Variants in GRIK4 observed in about 807,000 individuals in gnomAD.
The protein encoded by GRIK4 is glutamate ionotropic receptor kainate type subunit 4.
GRIK4 carries 40 observed loss-of-function variants against 104.9 expected under a neutral mutation model. The observed-to-expected ratio is 0.38, with a 90% confidence interval of 0.30 to 0.50. The LOEUF (loss-of-function observed/expected upper bound fraction) is 0.50. Among genes scored for constraint, GRIK4 ranks in the 20% least tolerant of loss-of-function variants. The pLI is 0.93. For synonymous variants in GRIK4, 485 were observed against 524.9 expected, an observed-to-expected ratio of 0.92 and a Z score of 1.04; for missense variants, 1,047 against 1,308.1, an observed-to-expected ratio of 0.80 and a Z score of 3.08.
chr11:120,839,026 A>T (rs1953652170), intron 8 of GRIK4, among the ~76,000 whole-genome samples: 1 of 152,110 alleles, frequency 6.6e-6, no homozygotes, highest in Non-Finnish European at 1.5e-5. Context: ...ACTTCAGGTG[A>T]TCTGCCTGCC....
intron 13 of GRIK4, among the ~76,000 whole-genome samples, chr11:120,923,032 C>T (rs918842820): frequency 6.6e-6 from 1 of 152,250 alleles, no homozygotes; most frequent in Non-Finnish European, 1.5e-5. Flanking sequence ...CCTGCACGGA[C>T]CTGCCGTGTC....
intron 4 of GRIK4, among the ~76,000 whole-genome samples, chr11:120,807,374 A>G (rs912018072): frequency 1.3e-5 from 2 of 151,756 alleles, no homozygotes; most frequent in Admixed American, 6.6e-5. Context: ...TTCCCTGTCA[A>G]CCCCTCCCCT....
At chr11:120,530,361 C>T (rs7117380) in intron 1 of GRIK4, among the ~76,000 whole-genome samples, 2,912 of 152,168 alleles carry the variant, frequency 0.019, 90 homozygotes, top group African/African-American at 0.066. Context: ...CTATTGCAGG[C>T]TCTAGAAGAT....
At chr11:120,719,926 G>C (rs1489981440) in intron 3 of GRIK4, among the ~76,000 whole-genome samples, 2 of 151,662 alleles carry the variant, frequency 1.3e-5, no homozygotes, top group Non-Finnish European at 2.9e-5. Flanking sequence ...GAGGCTGAGA[G>C]CTAACGGCTT....
At chr11:120,521,366 C>T (rs981304646) in intron 1 of GRIK4, among the ~76,000 whole-genome samples, 4 of 152,136 alleles carry the variant, frequency 2.6e-5, no homozygotes, top group African/African-American at 7.2e-5. Flanking sequence ...GCCACCACGC[C>T]CGGCCCACAA....
chr11:120,708,625 G>T (rs1950669167), intron 3 of GRIK4, among the ~76,000 whole-genome samples: 1 of 152,156 alleles, frequency 6.6e-6, no homozygotes, highest in African/African-American at 2.4e-5. Flanking sequence ...GAACGTGAAC[G>T]GGCTCCAGAG....
rs975186186 is a variant in GRIK4, at chr11:120,986,419, C to A, written c.*159C>A. 9.8e-6 allele frequency: 10 copies of A among 1,021,428 alleles called. No homozygotes were observed. The highest frequency in any genetic ancestry group is 1.2e-5 in the Non-Finnish European group (9 of 749,870). The allele number at this position is 1,021,428 out of a possible 1,614,324, so 63.3% of individuals were successfully genotyped here. On this transcript the variant is annotated 3_prime_UTR_variant, in exon 21 of 21. Coordinates refer to ENST00000527524, the MANE Select transcript of GRIK4 (RefSeq NM_014619.5). ...AAAAAGATCAAGGAGCCTGACGCCC[C>A]AGCCAGAGACCGCGCCCGGTCAGGG... is the stretch of plus-strand genomic sequence containing the variant.
rs140994471 is a variant in GRIK4 at position 120,513,399 on chromosome 11, G to A, written c.-159+1512G>A. On this transcript the variant is annotated intron_variant, in intron 1 of 20. Coordinates refer to ENST00000527524, the MANE Select transcript of GRIK4 (RefSeq NM_014619.5). This position sits in a 1 kb window ranked among gnomAD's most constrained non-coding sequence, Gnocchi z 4.5. ...CCTGACTCCCTGACTGTCTGTGCTC[G>A]CGTGGTCAGGGGCGAGGGGCTTGTC... is the stretch of plus-strand genomic sequence containing the variant. 4.6e-3 allele frequency among the ~76,000 whole-genome samples: 696 copies of A among 152,264 alleles called. 16 individuals carry two copies. The East Asian group carries it at 0.066, about 14-fold the overall frequency.
At chr11:120,965,311 G>C (rs1431153305) in intron 18 of GRIK4, among the ~76,000 whole-genome samples, 2 of 152,142 alleles carry the variant, frequency 1.3e-5, no homozygotes, top group Non-Finnish European at 2.9e-5. Context: ...GAAATGCTTT[G>C]CTGGGCTAGA....
chr11:120,531,188 T>C (rs1259864530), intron 1 of GRIK4, among the ~76,000 whole-genome samples: 1 of 152,208 alleles, frequency 6.6e-6, no homozygotes, highest in African/African-American at 2.4e-5. Flanking sequence ...TGTGGGTGGA[T>C]TTGCGATTCT....
At chr11:120,581,863 G>T (rs1032230599) in intron 1 of GRIK4, among the ~76,000 whole-genome samples, 21 of 151,604 alleles carry the variant, frequency 1.4e-4, no homozygotes, top group African/African-American at 4.9e-4. Flanking sequence ...CTGGAGTGCA[G>T]TGGCGTGATC....
chr11:120,727,922 G>T (rs1376996736), intron 3 of GRIK4, among the ~76,000 whole-genome samples: 1 of 152,030 alleles, frequency 6.6e-6, no homozygotes, highest in Admixed American at 6.6e-5. Context: ...AGAGAAAAAT[G>T]ACAAATATTG....
chr11:120,640,866 G>A (rs1378288079), intron 1 of GRIK4, among the ~76,000 whole-genome samples: 1 of 152,130 alleles, frequency 6.6e-6, no homozygotes, highest in African/African-American at 2.4e-5. Context: ...ATGCCACCAT[G>A]CCCAGCTAAG....
At chr11:120,616,239 G>T (rs1454310332) in intron 1 of GRIK4, among the ~76,000 whole-genome samples, 3 of 152,176 alleles carry the variant, frequency 2.0e-5, no homozygotes, top group African/African-American at 7.2e-5. Context: ...CACGGAGTCT[G>T]GGCCAGCCCC....
At chr11:120,637,360 C>T (rs941382958) in intron 1 of GRIK4, among the ~76,000 whole-genome samples, 1 of 151,774 alleles carries the variant, frequency 6.6e-6, no homozygotes, top group Non-Finnish European at 1.5e-5. Flanking sequence ...TGTTTTTTTT[C>T]CCCCCTGGCA....
In GRIK4 at chr11:120,693,253, C is replaced by T. The variant is rs76366145; in HGVS notation, c.82+32853C>T. Among the ~76,000 whole-genome samples the T allele has an allele frequency of 7.5e-3, 1,146 of 151,834 alleles. 54 individuals are homozygous for T. In the East Asian group the frequency reaches 0.13, roughly 17 times the overall value. On this transcript the variant is annotated intron_variant, in intron 3 of 20. Transcript: ENST00000527524. ...CTGAGCAGCTGGGATTATAGGCATG[C>T]ACCACCATGCCTGGCTAATTTTTAT...
chr11:120,535,068 G>C (rs897232801), intron 1 of GRIK4, among the ~76,000 whole-genome samples: 1 of 152,326 alleles, frequency 6.6e-6, no homozygotes, highest in Non-Finnish European at 1.5e-5. Context: ...GACTTGTAGG[G>C]TTTGCTGATT....
chr11:120,752,429 C>T (rs577261216), intron 3 of GRIK4, among the ~76,000 whole-genome samples: 16 of 152,246 alleles, frequency 1.1e-4, no homozygotes, highest in Admixed American at 2.0e-4. Context: ...TCACACAGCC[C>T]GCCAAGGTGG....
chr11:120,930,002 T>TGGGG (rs61317737), intron 13 of GRIK4, among the ~76,000 whole-genome samples: 166 of 150,342 alleles, frequency 1.1e-3, no homozygotes, highest in East Asian at 2.2e-3. Flanking sequence ...AGGCCACGTT[T>TGGGG]GGGGGGGGGG....
Sources: gnomAD v4.1 joint callset for allele counts (sites outside exome capture counted in the v4.1 genomes callset) on GRCh38, gnomAD v4.1.1 for gene constraint, Gnocchi (gnomAD v3.1) non-coding constraint, MANE v1.5 for transcripts, NCBI Gene and HGNC (gene_info 2026-07-23, HGNC 2026-07-21) for gene names.